NCAPG: variants seen among roughly 807,000 people sequenced by gnomAD.
NCAPG encodes condensin complex subunit 3.
NCAPG carries 69 observed loss-of-function variants against 113.1 expected under a neutral mutation model. The ratio of observed to expected loss-of-function variants is 0.61; its 90% CI spans 0.50 to 0.75. The LOEUF is 0.75. Ranked by LOEUF, NCAPG falls within the 30% of genes least tolerant of loss-of-function variation. The probability of loss-of-function intolerance (pLI) is 0.00; values close to 1 mark genes in which losing one functional copy is unlikely to be tolerated. For missense variants in NCAPG, 1,058 were observed against 1,177.0 expected (o/e 0.90, Z 1.48); for synonymous variants, 370 against 415.8 (o/e 0.89, Z 1.34).
chr4:17,823,623 T>C (rs749989838), intron 8 of NCAPG, 24 bp from the exon 9 acceptor site: 3 of 1,589,628 alleles, frequency 1.9e-6, no homozygotes, highest in Non-Finnish European at 2.6e-6. Context: ...TAATAATATT[T>C]AAATTAGTTC....
chr4:17,839,833 T>G lies in NCAPG; in HGVS notation c.2624T>G (p.Leu875Arg). Residue 875 changes from leucine to arginine, a missense_variant, in exon 17 of 21, where the codon CTG (leucine) becomes CGG (arginine). By Grantham distance (102) the Leu-to-Arg change is moderately radical. Coordinates refer to ENST00000251496, the MANE Select transcript of NCAPG (RefSeq NM_022346.5). ...CTTCTGGTTCTATTGAATGAGATTC[T>G]GGAGGTAAAGTAGTTTCTCATTACT... ...KDLLVLLNEI[L>R]EQVKDRTCLR... 1 of 1,580,810 alleles carries G rather than the reference T, an allele frequency of 6.3e-7. No individual in the cohort carries two copies.
Position 17,837,311 on chromosome 4 carries a change from G to A in NCAPG, c.2262G>A (p.Val754=), listed in dbSNP as rs1477405683. ...TTCAACTTCGACATTGCCTAGGCGT[G>A]TTCTTCCCCGTGTTTGCTTATGCAA... ...EDVQLRHCLG[V]FFPVFAYASR... is the part of the protein sequence containing the mutation. Residue 754 remains valine, a synonymous_variant, in exon 15 of 21, where the codon GTG becomes GTA. Coordinates refer to ENST00000251496, the MANE Select transcript of NCAPG (RefSeq NM_022346.5). The A allele has an allele frequency of 6.2e-7, 1 of 1,613,474 alleles. No individual in the cohort carries two copies. Among genetic ancestry groups the A allele is most frequent in the South Asian group, 1.1e-5 (1 of 90,938 alleles).
At chr4:17,829,536 A>G (rs1455876953) in intron 12 of NCAPG, among the ~76,000 whole-genome samples, 1 of 152,198 alleles carries the variant, frequency 6.6e-6, no homozygotes, top group Non-Finnish European at 1.5e-5. Context: ...CGAAGACTGT[A>G]TATATGTGGG....
chr4:17,828,319 T>C lies in NCAPG; in HGVS notation c.1695T>C (p.Tyr565=). Residue 565 remains tyrosine (Y), a synonymous_variant, in exon 12 of 21, where the codon TAT becomes TAC. Transcript: ENST00000251496. ...TGCAGAAATGTCTTATTTTATGCTA[T>C]GAACTGTTGAAGCAGATGTCCATTT... ...ETLQKCLILC[Y]ELLKQMSIST... 1.2e-6 allele frequency: 2 copies of C among 1,610,926 alleles called. No homozygotes were observed. The highest frequency in any genetic ancestry group is 1.7e-6 in the Non-Finnish European group (2 of 1,178,438).
intron 7 of NCAPG, among the ~76,000 whole-genome samples, chr4:17,820,532 G>A (rs982192966): frequency 3.9e-5 from 6 of 152,048 alleles, no homozygotes; most frequent in African/African-American, 1.4e-4. Flanking sequence ...AACCTGGGAG[G>A]TGGAGCTTGC....
intron 9 of NCAPG, 38 bp downstream of exon 9, chr4:17,823,808 G>A: frequency 6.5e-7 from 1 of 1,539,958 alleles, no homozygotes; most frequent in Non-Finnish European, 8.9e-7. Flanking sequence ...AGAGGTTTTG[G>A]TCAATGACAT....
chr4:17,842,395 C>T lies in NCAPG; in HGVS notation c.2924+16C>T, dbSNP rs1722497260. 1 of 1,604,340 alleles carries T rather than the reference C, an allele frequency of 6.2e-7. No homozygotes were observed. Among genetic ancestry groups the T allele is most frequent in the African/African-American group, 1.3e-5 (1 of 74,554 alleles). On this transcript the variant is annotated intron_variant, in intron 20 of 20. Coordinates refer to ENST00000251496, the MANE Select transcript of NCAPG (RefSeq NM_022346.5). ...ACTCTGAAAGGTATGTCATGCATGT[C>T]TAGAATATATGGAGGCCTATCTTCA...
At chr4:17,819,029 T>G (rs1721336819) in intron 7 of NCAPG, among the ~76,000 whole-genome samples, 1 of 152,204 alleles carries the variant, frequency 6.6e-6, no homozygotes, top group Non-Finnish European at 1.5e-5. Flanking sequence ...AACCTCTTTC[T>G]CTGCATTTAT....
chr4:17,815,443 A>C (rs1430988723), intron 5 of NCAPG, 85 bp downstream of exon 5: 9 of 912,268 alleles, frequency 9.9e-6, no homozygotes, highest in Admixed American at 6.2e-5. Flanking sequence ...GTGTCAAATC[A>C]GGTCAAGTAA....
intron 14 of NCAPG, among the ~76,000 whole-genome samples, chr4:17,835,801 T>C (rs1232000701): frequency 6.6e-6 from 1 of 152,222 alleles, no homozygotes; most frequent in Non-Finnish European, 1.5e-5. Context: ...GTATCAGTAC[T>C]CCGTTCCTTT....
intron 12 of NCAPG, among the ~76,000 whole-genome samples, chr4:17,830,550 TCA>T: frequency 6.7e-6 from 1 of 148,510 alleles, no homozygotes. Flanking sequence ...AAGACTAGTT[TCA>T]CTTTTTTTTT....
At position 17,831,017 on chromosome 4, in the gene NCAPG, T is replaced by C; in HGVS notation, c.1785T>C (p.Ser595=). The C allele has an allele frequency of 6.2e-7, 1 of 1,612,698 alleles. No individual in the cohort carries two copies. Among genetic ancestry groups the C allele is most frequent in the Non-Finnish European group, 8.5e-7 (1 of 1,179,040 alleles). The change falls in exon 13 of 21, where the codon AGT becomes AGC. Residue 595 remains serine (S), a synonymous_variant. Transcript: ENST00000251496. Reference sequence around the variant, plus strand: ...TTTAGATTCTTCCTGGAATAATAAGTATTCATCCTGTTGTAAGAAACCTGG... The same window carrying C: ...TTTAGATTCTTCCTGGAATAATAAGCATTCATCCTGTTGTAAGAAACCTGG... ...IESLILPGII[S]IHPVVRNLAV...
intron 19 of NCAPG, among the ~76,000 whole-genome samples, chr4:17,841,024 A>G (rs1308335599): frequency 6.6e-6 from 1 of 151,996 alleles, no homozygotes; most frequent in East Asian, 1.9e-4. Context: ...CCTGTAACTA[A>G]GCATTTTTAA....
intron 20 of NCAPG, chr4:17,842,959 A>AT (rs1294282168): frequency 5.9e-6 from 1 of 169,748 alleles, no homozygotes; most frequent in Non-Finnish European, 1.3e-5. Flanking sequence ...AGAGAACTTA[A>AT]TTTTTTTGTC....
At chr4:17,822,808 T>G (rs1199629580) in intron 7 of NCAPG, among the ~76,000 whole-genome samples, 175 bp from the exon 8 acceptor site, 1 of 152,218 alleles carries the variant, frequency 6.6e-6, no homozygotes, top group Non-Finnish European at 1.5e-5. Flanking sequence ...TAAGTTTGTT[T>G]GCAAAAGTTA....
chr4:17,827,371 G>A (rs1721691277), intron 11 of NCAPG, among the ~76,000 whole-genome samples: 1 of 152,238 alleles, frequency 6.6e-6, no homozygotes, highest in Non-Finnish European at 1.5e-5. Context: ...TTGGAGAGTA[G>A]TAAAAGCTTA....
intron 14 of NCAPG, 121 bp from the exon 15 acceptor site, chr4:17,837,038 T>C (rs1485413801): frequency 1.3e-5 from 10 of 779,244 alleles, no homozygotes; most frequent in Admixed American, 3.3e-5. Context: ...CTTTAAAGAA[T>C]TTGTAATAAC....
At chr4:17,834,237 G>A (rs1412992421) in intron 13 of NCAPG, 62 bp from the exon 14 acceptor site, 10 of 1,091,222 alleles carry the variant, frequency 9.2e-6, no homozygotes, top group African/African-American at 1.6e-5. Flanking sequence ...TTAATTTTAT[G>A]TAAACAGAAA....
intron 16 of NCAPG, among the ~76,000 whole-genome samples, chr4:17,838,713 A>G (rs1308570238): frequency 2.0e-5 from 3 of 152,198 alleles, no homozygotes; most frequent in Non-Finnish European, 2.9e-5. Context: ...AGGGCACAAC[A>G]CTGGGGGTAG....
Sources: gnomAD v4.1 joint callset for allele counts (sites outside exome capture counted in the v4.1 genomes callset) on GRCh38, gnomAD v4.1.1 for gene constraint, MANE v1.5 for transcripts, NCBI Gene and HGNC (gene_info 2026-07-23, HGNC 2026-07-21) for gene names.